NKAIN3: variants seen among roughly 807,000 people sequenced by gnomAD.
NKAIN3 encodes the protein sodium/potassium transporting ATPase interacting 3.
Under a neutral mutation model 30.2 loss-of-function variants are expected in NKAIN3, and 25 were observed. The ratio of observed to expected loss-of-function variants is 0.83; its 90% CI spans 0.60 to 1.16. NKAIN3 has a LOEUF of 1.16. Ranked by LOEUF, NKAIN3 falls within the 50% of genes most tolerant of loss-of-function variation. The pLI is 0.00. For missense variants in NKAIN3, 225 were observed against 254.1 expected, an observed-to-expected ratio of 0.89 and a Z score of 0.78; for synonymous variants, 91 against 89.6, an observed-to-expected ratio of 1.02 and a Z score of -0.09.
chr8:62,444,629 C>T (rs1295344445), intron 1 of NKAIN3, among the ~76,000 whole-genome samples: 1 of 152,106 alleles, frequency 6.6e-6, no homozygotes, highest in Admixed American at 6.6e-5. Context: ...GGACAATTAC[C>T]TTGATTCCAT....
intron 4 of NKAIN3, among the ~76,000 whole-genome samples, chr8:62,803,906 A>C (rs1253599994): frequency 6.6e-6 from 1 of 152,156 alleles, no homozygotes; most frequent in Non-Finnish European, 1.5e-5. Flanking sequence ...AATCAAATAG[A>C]CGCAATAAAA....
intron 1 of NKAIN3, among the ~76,000 whole-genome samples, chr8:62,347,412 TAAG>T (rs753457315): frequency 1.5e-4 from 23 of 152,072 alleles, no homozygotes; most frequent in Non-Finnish European, 2.5e-4. Context: ...TATCTTAAAA[TAAG>T]AAGATTTATT....
intron 3 of NKAIN3, among the ~76,000 whole-genome samples, chr8:62,744,399 A>C (rs1048302934): frequency 6.6e-6 from 1 of 152,228 alleles, no homozygotes; most frequent in East Asian, 1.9e-4. Context: ...TATGAGTGTA[A>C]CAAATATGTA....
chr8:62,783,634 G>A (rs1468510499), intron 4 of NKAIN3, among the ~76,000 whole-genome samples: 1 of 141,606 alleles, frequency 7.1e-6, no homozygotes, highest in South Asian at 2.2e-4. Flanking sequence ...TTGAGACAGG[G>A]TCTTGCTGTG....
At chr8:62,762,561 A>C (rs763349923) in intron 4 of NKAIN3, among the ~76,000 whole-genome samples, 1 of 152,200 alleles carries the variant, frequency 6.6e-6, no homozygotes, top group Non-Finnish European at 1.5e-5. Flanking sequence ...GCATATTCTA[A>C]ATTTAGGAAA....
intron 1 of NKAIN3, among the ~76,000 whole-genome samples, chr8:62,379,298 T>G (rs1320286321): frequency 6.6e-6 from 1 of 152,210 alleles, no homozygotes; most frequent in Non-Finnish European, 1.5e-5. Flanking sequence ...ACTTGCCTTG[T>G]CTCAGATGAG....
intron 1 of NKAIN3, among the ~76,000 whole-genome samples, chr8:62,546,024 AT>A (rs1312561131): frequency 6.6e-6 from 1 of 152,136 alleles, no homozygotes; most frequent in Non-Finnish European, 1.5e-5. Context: ...TTTAATATAC[AT>A]TTCTGTGAGT....
At chr8:62,474,349 A>G (rs900391686) in intron 1 of NKAIN3, 1 of 152,234 alleles carries the variant, frequency 6.6e-6, no homozygotes, top group Non-Finnish European at 1.5e-5. Flanking sequence ...GCCAGCTGCT[A>G]GAGAAGGGCA....
In NKAIN3 at chr8:62,740,096, T is replaced by A. The variant is rs1021534954; in HGVS notation, c.274-6836T>A. Among the ~76,000 whole-genome samples the A allele has an allele frequency of 8.5e-5, 13 of 152,144 alleles. No homozygotes were observed. The South Asian group carries it at 1.0e-3, about 12-fold the overall frequency. On this transcript the variant is annotated intron_variant, in intron 3 of 6. Transcript: ENST00000623646. ...CCAAACACTTAAACCTATCAATCAC[T>A]CTATTTGCTCTTTATTATATAGATC...
chr8:62,312,157 C>T (rs2129588728), intron 1 of NKAIN3, among the ~76,000 whole-genome samples: 1 of 150,436 alleles, frequency 6.6e-6, no homozygotes, highest in East Asian at 1.9e-4. Context: ...AGATTTCTGA[C>T]TTTCGAAGAC....
intron 3 of NKAIN3, among the ~76,000 whole-genome samples, chr8:62,733,948 C>T (rs758883829): frequency 1.3e-5 from 2 of 152,174 alleles, no homozygotes; most frequent in Non-Finnish European, 2.9e-5. Flanking sequence ...TTAATATTCT[C>T]TTCCCTTTAG....
At chr8:62,837,392 T>TA (rs1199151713) in intron 4 of NKAIN3, among the ~76,000 whole-genome samples, 1 of 152,160 alleles carries the variant, frequency 6.6e-6, no homozygotes, top group Non-Finnish European at 1.5e-5. Context: ...GAAACGCCCT[T>TA]ATAGTTGGTA....
chr8:62,986,985 G>C (rs1422771780), downstream of NKAIN3, among the ~76,000 whole-genome samples: 1 of 152,072 alleles, frequency 6.6e-6, no homozygotes, highest in African/African-American at 2.4e-5. Flanking sequence ...ATGCTTATAT[G>C]ATTTGGGAGC....
At chr8:62,900,504 T>C (rs1378523) in intron 4 of NKAIN3, among the ~76,000 whole-genome samples, 114,735 of 152,116 alleles carry the variant, frequency 0.75, 44,290 homozygotes, top group East Asian at 0.97. Context: ...AAAGCCAGAG[T>C]GTCCCTACCT....
intron 4 of NKAIN3, among the ~76,000 whole-genome samples, chr8:62,821,922 A>AC (rs1008842180): frequency 4.0e-5 from 6 of 151,584 alleles, no homozygotes; most frequent in South Asian, 2.1e-4. Flanking sequence ...GCCAACAGAG[A>AC]CCCCCCAGAA....
At chr8:62,453,056 A>G (rs1015554769) in intron 1 of NKAIN3, among the ~76,000 whole-genome samples, 3 of 152,216 alleles carry the variant, frequency 2.0e-5, no homozygotes, top group African/African-American at 7.2e-5. Context: ...AACTGAATAA[A>G]TATCACTTAT....
chr8:62,998,129 C>T (rs1804163478), intron 5 of NKAIN3, among the ~76,000 whole-genome samples: 1 of 152,154 alleles, frequency 6.6e-6, no homozygotes, highest in Admixed American at 6.6e-5. Context: ...TCTCCAAGTT[C>T]TTGTCATCTA....
Position 62,330,467 on chromosome 8 carries a change from G to A in NKAIN3, c.54+81340G>A, listed in dbSNP as rs536798472. Among the ~76,000 whole-genome samples the A allele has an allele frequency of 1.4e-3, 208 of 151,942 alleles. 2 individuals are homozygous for A. Among genetic ancestry groups the A allele is most frequent in the Non-Finnish European group, 2.5e-3 (171 of 67,932 alleles). ...TGAGGCATGTTAAGAGGTTAGAATC[G>A]ACAGATTTGAGGCTGAAATACATAA... On this transcript the variant is annotated intron_variant, in intron 1 of 6. Transcript: ENST00000623646.
At chr8:62,629,848 A>T (rs1428969225) in intron 3 of NKAIN3, among the ~76,000 whole-genome samples, 1 of 152,100 alleles carries the variant, frequency 6.6e-6, no homozygotes, top group East Asian at 1.9e-4. Flanking sequence ...TTATATATGG[A>T]TCTGTATTCA....
Sources: allele counts gnomAD v4.1 joint callset (sites outside exome capture counted in the v4.1 genomes callset), GRCh38; gene constraint gnomAD v4.1.1; transcripts MANE v1.5; gene names NCBI Gene and HGNC (gene_info 2026-07-23, HGNC 2026-07-21).